Variants in SCN8A observed in about 807,000 individuals in gnomAD.
The protein encoded by SCN8A is sodium channel protein type 8 subunit alpha.
SCN8A carries 30 observed loss-of-function variants against 184.1 expected under a neutral mutation model. The ratio of observed to expected loss-of-function variants is 0.16; its 90% confidence interval spans 0.12 to 0.22. SCN8A has a LOEUF of 0.22. Among genes scored for constraint, SCN8A ranks in the 10% least tolerant of loss-of-function variants. SCN8A has a pLI of 1.00. For synonymous variants in SCN8A, 852 were observed against 907.0 expected (o/e 0.94, Z 1.09); for missense variants, 1,057 against 2,498.9 (o/e 0.42, Z 12.30).
intron 1 of SCN8A, among the ~76,000 whole-genome samples, chr12:51,600,607 C>A (rs1460371616): frequency 2.0e-5 from 3 of 152,034 alleles, no homozygotes; most frequent in Admixed American, 6.6e-5. Flanking sequence ...GGCCAGAGGG[C>A]CCTAACGTAC....
At chr12:51,707,446 C>T (rs941041649) in intron 11 of SCN8A, among the ~76,000 whole-genome samples, 3 of 152,056 alleles carry the variant, frequency 2.0e-5, no homozygotes, top group African/African-American at 7.2e-5. Flanking sequence ...GTTGGATGTT[C>T]GAGGGCAGGA....
At chr12:51,630,645 A>G (rs1176214407) in intron 1 of SCN8A, among the ~76,000 whole-genome samples, 1 of 152,160 alleles carries the variant, frequency 6.6e-6, no homozygotes, top group African/African-American at 2.4e-5. Flanking sequence ...CTGTCCGGAA[A>G]GGCTCCTTGT....
rs967828272 is a variant in SCN8A at position 51,808,878 on chromosome 12, G to A, written c.*1449G>A. ...AGCAGGGCTTCCCTTGCCCACAGAG[G>A]TGGGTGAGGGTAGCAGCATTGGGGT... On this transcript the variant is annotated 3_prime_UTR_variant, in exon 27 of 27. Transcript: ENST00000627620. 6.6e-6 allele frequency: 1 copy of A among 152,218 alleles called. No homozygotes were observed. The highest frequency in any genetic ancestry group is 1.5e-5 in the Non-Finnish European group (1 of 68,064). 9.4% of individuals were successfully genotyped at this position (152,218 alleles called of 1,614,324 possible). A position where few individuals can be genotyped will look rare whatever the true frequency, so the allele number is the denominator to read the frequency against.
At chr12:51,774,488 G>C in intron 20 of SCN8A, 126 bp downstream of exon 20, 2 of 858,470 alleles carry the variant, frequency 2.3e-6, no homozygotes, top group South Asian at 4.1e-5. Context: ...TGTAGGTGTG[G>C]GTAAAGTTCC....
intron 15 of SCN8A, among the ~76,000 whole-genome samples, chr12:51,763,207 C>T (rs1942787594): frequency 6.6e-6 from 1 of 152,164 alleles, no homozygotes; most frequent in South Asian, 2.1e-4. Flanking sequence ...AATTTTTCCG[C>T]TTTACATTCT....
At chr12:51,678,109 A>G (rs1292813283) in intron 2 of SCN8A, among the ~76,000 whole-genome samples, 1 of 152,164 alleles carries the variant, frequency 6.6e-6, no homozygotes, top group Admixed American at 6.5e-5. Context: ...ATGATTACAA[A>G]CGTTTAATCA....
chr12:51,697,417 A>G (rs1031097155), intron 6 of SCN8A, among the ~76,000 whole-genome samples: 1 of 152,220 alleles, frequency 6.6e-6, no homozygotes, highest in African/African-American at 2.4e-5. Context: ...CCTTTGTGCC[A>G]GGTCTTGTGC....
At position 51,661,477 on chromosome 12, in the gene SCN8A, A is replaced by G. The variant is rs75899433; in HGVS notation, c.-54-1287A>G. Among the ~76,000 whole-genome samples, 574 of 152,264 alleles carry G rather than the reference A, an allele frequency of 3.8e-3. 1 individual carries two copies. The highest frequency in any genetic ancestry group is 0.013 in the African/African-American group (530 of 41,546). ...AGAGATCTGGAATCTCAGCAGGTGG[A>G]TTTGTGGAAGGAGCTCTTGGGTATC... On this transcript the variant is annotated intron_variant, in intron 1 of 26. Coordinates refer to ENST00000627620, the MANE Select transcript of SCN8A (RefSeq NM_001330260.2).
At chr12:51,604,642 C>T (rs1400505656) in intron 1 of SCN8A, among the ~76,000 whole-genome samples, 2 of 152,172 alleles carry the variant, frequency 1.3e-5, no homozygotes, top group South Asian at 2.1e-4. Context: ...ATTCTCCTGC[C>T]TCAGCCTCAG....
chr12:51,680,844 A>T (rs2138702304), intron 2 of SCN8A, among the ~76,000 whole-genome samples: 1 of 152,110 alleles, frequency 6.6e-6, no homozygotes, highest in Middle Eastern at 3.4e-3. Context: ...TCTACTAAAA[A>T]TACAAAAAAA....
chr12:51,649,026 A>G (rs576691176), intron 1 of SCN8A, among the ~76,000 whole-genome samples: 1 of 152,188 alleles, frequency 6.6e-6, no homozygotes, highest in African/African-American at 2.4e-5. Context: ...TTGGGTAAAT[A>G]CAGCTGTTCC....
intron 1 of SCN8A, among the ~76,000 whole-genome samples, chr12:51,643,977 T>C (rs894255978): frequency 6.6e-6 from 1 of 152,242 alleles, no homozygotes; most frequent in Non-Finnish European, 1.5e-5. Flanking sequence ...GTCAACTGAA[T>C]AGTGCTGGAC....
chr12:51,703,326 A>G (rs1941724744), intron 9 of SCN8A, among the ~76,000 whole-genome samples: 1 of 152,006 alleles, frequency 6.6e-6, no homozygotes, highest in African/African-American at 2.4e-5. Context: ...TACTTTTTGG[A>G]AAGTTGGGAT....
At position 51,786,731 on chromosome 12, in the gene SCN8A, A is replaced by G; in HGVS notation, c.4132A>G (p.Lys1378Glu). The G allele has an allele frequency of 6.2e-7, 1 of 1,614,002 alleles. No individual in the cohort carries two copies. The highest frequency in any genetic ancestry group is 8.5e-7 in the Non-Finnish European group (1 of 1,179,888). The change falls in exon 22 of 27, where the codon AAG (lysine) becomes GAG (glutamate). Residue 1378 changes from lysine to glutamate, a missense_variant. By Grantham distance (56) the Lys-to-Glu change is moderately conservative. This residue lies in a region of SCN8A where 37 missense variants were observed against 216.1 expected (regional missense o/e 0.17). Transcript: ENST00000627620. ...EDVNNKTECEKLMEGNNTEIR... is the reference protein window; with the variant it reads ...EDVNNKTECEELMEGNNTEIR... Reference sequence around the variant, plus strand: ...TGTCAACAATAAAACTGAATGTGAAAAGCTTATGGAGGGGAACAATACAGA... The same window carrying G: ...TGTCAACAATAAAACTGAATGTGAAGAGCTTATGGAGGGGAACAATACAGA...
chr12:51,796,654 A>G (rs1938417868), intron 26 of SCN8A, among the ~76,000 whole-genome samples: 1 of 152,190 alleles, frequency 6.6e-6, no homozygotes, highest in Non-Finnish European at 1.5e-5. Flanking sequence ...AAGTCCCACG[A>G]TAGGCCATCT....
At chr12:51,791,597 G>C (rs948765407) in intron 25 of SCN8A, among the ~76,000 whole-genome samples, 21 of 152,164 alleles carry the variant, frequency 1.4e-4, no homozygotes, top group African/African-American at 4.8e-4. Context: ...AATAGAAAAG[G>C]GTTAACATTT....
chr12:51,768,732 C>T (rs1321045446), intron 16 of SCN8A, 133 bp from the exon 17 acceptor site: 24 of 659,394 alleles, frequency 3.6e-5, no homozygotes, highest in Non-Finnish European at 5.1e-5. Flanking sequence ...TAAAATACTA[C>T]GTGGGCCAAA....
intron 20 of SCN8A, among the ~76,000 whole-genome samples, chr12:51,778,182 C>T (rs748236170): frequency 6.6e-6 from 1 of 152,142 alleles, no homozygotes; most frequent in Non-Finnish European, 1.5e-5. Context: ...CATTTACTTC[C>T]GGATTTGCTT....
chr12:51,744,794 G>A lies in SCN8A; in HGVS notation c.1999-1109G>A, dbSNP rs150406391. On this transcript the variant is annotated intron_variant, in intron 12 of 26. Transcript: ENST00000627620. Reference sequence around the variant, plus strand: ...TTCTTCTGTTCAGTCCTTAAAATCTGAAGATGTTTAGAACAGATGGGCTTT... The same window carrying A: ...TTCTTCTGTTCAGTCCTTAAAATCTAAAGATGTTTAGAACAGATGGGCTTT... 6.0e-3 allele frequency among the ~76,000 whole-genome samples: 914 copies of A among 152,222 alleles called. 8 individuals carry two copies. The highest frequency in any genetic ancestry group is 0.019 in the African/African-American group (787 of 41,544).
Sources: gnomAD v4.1 joint callset for allele counts (sites outside exome capture counted in the v4.1 genomes callset) on GRCh38, gnomAD v4.1.1 for gene constraint, gnomAD v4.1.1 regional missense constraint, MANE v1.5 for transcripts, NCBI Gene and HGNC (gene_info 2026-07-23, HGNC 2026-07-21) for gene names.